Variants in MSANTD7 observed in about 807,000 individuals in gnomAD.
The protein encoded by MSANTD7 is zinc finger and SCAN domain containing 29.
At chr10:14,842,610 A>G in the MSANTD7 span, 17 of 1,536,182 alleles carry the variant, frequency 1.1e-5, no homozygotes, top group African/African-American at 2.2e-4. The surrounding 1 kb of genome is among the most constrained non-coding windows in gnomAD (Gnocchi z 5.2). Flanking sequence ...ACTGACCCAG[A>G]CAACTTAATG....
chr10:14,838,311 G>A, the MSANTD7 span: 3 of 1,315,446 alleles, frequency 2.3e-6, no homozygotes, highest in Non-Finnish European at 3.2e-6. Context: ...GGAACGTGAA[G>A]CTCCGCGGTG....
chr10:14,844,599 T>C, the MSANTD7 span: 1 of 985,466 alleles, frequency 1.0e-6, no homozygotes, highest in Non-Finnish European at 1.2e-6. Context: ...CTCTCCTTCA[T>C]TTTACTGGTT....
the MSANTD7 span, chr10:14,842,717 C>G: frequency 4.6e-6 from 7 of 1,536,366 alleles, no homozygotes; most frequent in Admixed American, 5.9e-5. The surrounding 1 kb of genome is among the most constrained non-coding windows in gnomAD (Gnocchi z 5.2). Context: ...AAAAAGGACT[C>G]AGGCAGCTGA....
the MSANTD7 span, chr10:14,840,200 T>C: frequency 3.6e-5 from 35 of 968,216 alleles, no homozygotes; most frequent in Admixed American, 1.9e-4. Flanking sequence ...AATAGGAACA[T>C]GTTCATAAAT....
chr10:14,841,736 C>T, the MSANTD7 span, among the ~76,000 whole-genome samples: 1 of 152,340 alleles, frequency 6.6e-6, no homozygotes, highest in South Asian at 2.1e-4. Context: ...CCCACACTGA[C>T]AGTCAGATGG....
chr10:14,844,536 T>C, the MSANTD7 span: 1 of 987,094 alleles, frequency 1.0e-6, no homozygotes, highest in Non-Finnish European at 1.2e-6. Context: ...ACATTTCCAC[T>C]GCTGTGTATC....
chr10:14,846,915 G>T, the MSANTD7 span: 2 of 985,304 alleles, frequency 2.0e-6, no homozygotes, highest in Admixed American at 1.2e-4. Context: ...TGTAAATAAG[G>T]TGCTATGTAT....
the MSANTD7 span, chr10:14,842,824 C>T: frequency 1.3e-6 from 2 of 1,534,562 alleles, no homozygotes; most frequent in Non-Finnish European, 1.7e-6. This position sits in a 1 kb window ranked among gnomAD's most constrained non-coding sequence, Gnocchi z 5.2. Flanking sequence ...TTGAGGACTC[C>T]TGGGATGAAT....
At chr10:14,842,479 G>A in the MSANTD7 span, 1 of 1,536,142 alleles carries the variant, frequency 6.5e-7, no homozygotes, top group Non-Finnish European at 8.7e-7. The surrounding 1 kb of genome is among the most constrained non-coding windows in gnomAD (Gnocchi z 5.2). Context: ...GCCGCTCCAA[G>A]TTTAAAGTTC....
the MSANTD7 span, chr10:14,843,877 T>G: frequency 5.9e-6 from 9 of 1,536,298 alleles, no homozygotes; most frequent in Admixed American, 2.0e-5. Context: ...GAGGTTGATT[T>G]CGAATACCAA....
the MSANTD7 span, chr10:14,838,309 A>G: frequency 1.5e-6 from 2 of 1,298,094 alleles, no homozygotes; most frequent in East Asian, 2.5e-5. Context: ...CGGGAACGTG[A>G]AGCTCCGCGG....
At chr10:14,846,108 C>G in the MSANTD7 span, 1 of 982,870 alleles carries the variant, frequency 1.0e-6, no homozygotes, top group African/African-American at 1.8e-5. Flanking sequence ...AAGTGCCACA[C>G]CAGACATATA....
At chr10:14,843,734 G>T in the MSANTD7 span, 12 of 1,537,142 alleles carry the variant, frequency 7.8e-6, no homozygotes, top group South Asian at 1.3e-4. Flanking sequence ...ATTGCTATTG[G>T]TGAGGAGGCC....
the MSANTD7 span, chr10:14,843,502 C>T: frequency 1.7e-4 from 256 of 1,550,662 alleles, 4 homozygotes; most frequent in South Asian, 2.0e-3. Flanking sequence ...CAGCACCAAC[C>T]GCAGCACTCC....
chr10:14,844,416 T>C, the MSANTD7 span: 1 of 994,986 alleles, frequency 1.0e-6, no homozygotes, highest in Non-Finnish European at 1.2e-6. Flanking sequence ...ATCTTTCCTT[T>C]GCTGGTCTAA....
chr10:14,844,487 C>CAT, the MSANTD7 span: 1 of 986,526 alleles, frequency 1.0e-6, no homozygotes, highest in African/African-American at 1.8e-5. Context: ...GCTCATTAGA[C>CAT]GACTATAAGC....
chr10:14,846,092 AC>A, the MSANTD7 span: 1 of 983,012 alleles, frequency 1.0e-6, no homozygotes, highest in African/African-American at 1.7e-5. Flanking sequence ...ATGCTCATGA[AC>A]TTCTAAGTGC....
At chr10:14,840,224 TGAAAA>T in the MSANTD7 span, 4 of 794,702 alleles carry the variant, frequency 5.0e-6, no homozygotes, top group Non-Finnish European at 7.4e-6. Flanking sequence ...AAGCATAATG[TGAAAA>T]GAAATTAGAA....
At chr10:14,844,963 T>A in the MSANTD7 span, 1 of 985,466 alleles carries the variant, frequency 1.0e-6, no homozygotes, top group Non-Finnish European at 1.2e-6. Context: ...TCCTCAGATG[T>A]TGTAGACAGA....
Sources: allele counts gnomAD v4.1 joint callset (sites outside exome capture counted in the v4.1 genomes callset), GRCh38; gene constraint gnomAD v4.1.1; non-coding constraint Gnocchi (gnomAD v3.1); transcripts MANE v1.5; gene names NCBI Gene and HGNC (gene_info 2026-07-23, HGNC 2026-07-21).